The following RAB31 variants were observed in gnomAD, a reference collection of about 807,000 sequenced individuals.
RAB31 encodes RAB31, member RAS oncogene family, also known as ras-related protein Rab-31.
A neutral mutation model predicts 25.6 loss-of-function variants in RAB31; 21 were observed. That is an observed-to-expected ratio of 0.82 (90% CI 0.58 to 1.18). The LOEUF (loss-of-function observed/expected upper bound fraction) is 1.18, where lower values mean the gene tolerates loss of function less well. Among genes scored for constraint, RAB31 ranks in the 50% most tolerant of loss-of-function variants. The probability of loss-of-function intolerance (pLI) is 0.00; values close to 1 mark genes in which losing one functional copy is unlikely to be tolerated. For synonymous variants in RAB31, 87 were observed against 84.0 expected, an observed-to-expected ratio of 1.04 and a Z score of -0.20; for missense variants, 196 against 250.1, an observed-to-expected ratio of 0.78 and a Z score of 1.46.
intron 1 of RAB31, among the ~76,000 whole-genome samples, chr18:9,738,396 C>T (rs2068161237): frequency 6.6e-6 from 1 of 152,140 alleles, no homozygotes; most frequent in South Asian, 2.1e-4. Context: ...CACCAATCTC[C>T]AGGGAAGGGA....
chr18:9,841,538 C>A (rs75195627), intron 5 of RAB31, among the ~76,000 whole-genome samples: 789 of 100,272 alleles, frequency 7.9e-3, no homozygotes, highest in Admixed American at 8.4e-3. Flanking sequence ...GACTCTGTCT[C>A]AAAAAAAAAA....
In RAB31 at chr18:9,822,581, C is replaced by T. The variant is rs141468995; in HGVS notation, c.380+7359C>T. Among the ~76,000 whole-genome samples, 4 of 152,040 alleles carry T rather than the reference C, an allele frequency of 2.6e-5. No homozygotes were observed. The East Asian group carries it at 7.7e-4, about 29-fold the overall frequency. On this transcript the variant is annotated intron_variant, in intron 5 of 6. Transcript: ENST00000578921. ...TTGCAAACTATATATCTATAAGGGA[C>T]TAGTATGTAGACTATATAAAGAACT...
chr18:9,728,980 C>G (rs1357524412), intron 1 of RAB31, among the ~76,000 whole-genome samples: 1 of 152,230 alleles, frequency 6.6e-6, no homozygotes, highest in African/African-American at 2.4e-5. Flanking sequence ...TTACCTGCCC[C>G]TTCACATCGT....
At chr18:9,738,592 G>C (rs1003397497) in intron 1 of RAB31, among the ~76,000 whole-genome samples, 37 of 152,316 alleles carry the variant, frequency 2.4e-4, no homozygotes, top group African/African-American at 8.2e-4. Context: ...GGGCATGGAA[G>C]TCCCACACCC....
rs957104128 is a variant in RAB31 at position 9,773,160 on chromosome 18, T to C, written c.40-2118T>C. On this transcript the variant is annotated intron_variant, in intron 1 of 6. Transcript: ENST00000578921. The stretch of plus-strand genomic sequence containing the variant: ...GACCTTCTGGAGAGGGGTTTTCTGA[T>C]GAGTATTAAAAGCCAAGTCCCCTGT... Among the ~76,000 whole-genome samples, 6 of 152,118 alleles carry C rather than the reference T, an allele frequency of 3.9e-5. No homozygotes were observed. The South Asian group carries it at 1.2e-3, about 32-fold the overall frequency.
intron 6 of RAB31, among the ~76,000 whole-genome samples, chr18:9,854,790 A>AC (rs747273470): frequency 1.3e-5 from 2 of 151,898 alleles, no homozygotes; most frequent in Admixed American, 6.6e-5. Flanking sequence ...TGTTCCAGAG[A>AC]CCCCCTCTCT....
chr18:9,827,378 G>A (rs142329003), intron 5 of RAB31, among the ~76,000 whole-genome samples: 1 of 152,126 alleles, frequency 6.6e-6, no homozygotes, highest in African/African-American at 2.4e-5. Flanking sequence ...CAACAGTGAC[G>A]ATGGGGGCTG....
intron 1 of RAB31, among the ~76,000 whole-genome samples, chr18:9,723,876 C>T (rs989325901): frequency 2.0e-5 from 3 of 152,194 alleles, no homozygotes; most frequent in East Asian, 1.9e-4. Flanking sequence ...AAACACCTCC[C>T]GCGAGGCCCA....
At chr18:9,752,259 CTGT>C (rs2068238972) in intron 1 of RAB31, among the ~76,000 whole-genome samples, 1 of 152,024 alleles carries the variant, frequency 6.6e-6, no homozygotes, top group African/African-American at 2.4e-5. Context: ...GAGTCTTGCT[CTGT>C]TGCCCAGGCT....
intron 3 of RAB31, among the ~76,000 whole-genome samples, chr18:9,796,794 A>G (rs187928964): frequency 3.2e-4 from 48 of 152,154 alleles, no homozygotes; most frequent in Admixed American, 8.5e-4. Context: ...TTTCTATTTT[A>G]GGTTTCTAAT....
intron 3 of RAB31, among the ~76,000 whole-genome samples, chr18:9,794,363 A>G (rs2143034827): frequency 6.6e-6 from 1 of 152,332 alleles, no homozygotes; most frequent in East Asian, 1.9e-4. Flanking sequence ...TTGTAGATTA[A>G]AACATTTTAA....
At chr18:9,804,382 T>A (rs147425810) in intron 3 of RAB31, among the ~76,000 whole-genome samples, 4 of 152,312 alleles carry the variant, frequency 2.6e-5, no homozygotes, top group Admixed American at 6.5e-5. Context: ...TATGAGGCAC[T>A]GTCTGTGCCT....
At chr18:9,767,413 C>A (rs775275343) in intron 1 of RAB31, among the ~76,000 whole-genome samples, 1 of 152,206 alleles carries the variant, frequency 6.6e-6, no homozygotes, top group Non-Finnish European at 1.5e-5. Flanking sequence ...TACTCAAACA[C>A]CTCACCACCT....
chr18:9,843,374 G>T (rs921853132), intron 5 of RAB31, among the ~76,000 whole-genome samples: 1 of 151,978 alleles, frequency 6.6e-6, no homozygotes, highest in South Asian at 2.1e-4. Flanking sequence ...GCGAAACCCC[G>T]TCTTTACCAA....
chr18:9,750,016 CAGCTCCAGATTGAAACGTAGCTGTA>C (rs2068226425), intron 1 of RAB31, among the ~76,000 whole-genome samples: 1 of 152,194 alleles, frequency 6.6e-6, no homozygotes, highest in South Asian at 2.1e-4. Context: ...TCCCTGAACT[CAGCTCCAGATTGAAACGTAGCTGTA>C]ACCGCAGCTA....
At chr18:9,818,110 T>C (rs2068607987) in intron 5 of RAB31, among the ~76,000 whole-genome samples, 1 of 152,224 alleles carries the variant, frequency 6.6e-6, no homozygotes, top group Non-Finnish European at 1.5e-5. Flanking sequence ...TGTTATTGAA[T>C]CAAGCAACAA....
intron 6 of RAB31, among the ~76,000 whole-genome samples, chr18:9,858,344 AT>A (rs1364657577): frequency 6.6e-6 from 1 of 152,200 alleles, no homozygotes; most frequent in Non-Finnish European, 1.5e-5. Context: ...TACTAAGGTT[AT>A]TTCCAGATTC....
intron 1 of RAB31, among the ~76,000 whole-genome samples, chr18:9,745,030 T>C (rs901204553): frequency 2.6e-5 from 4 of 152,066 alleles, no homozygotes; most frequent in Non-Finnish European, 4.4e-5. Context: ...GTTGGTTCTT[T>C]GAAGATCAAC....
At chr18:9,783,085 G>A (rs1349704554) in intron 2 of RAB31, among the ~76,000 whole-genome samples, 1 of 152,146 alleles carries the variant, frequency 6.6e-6, no homozygotes, top group Non-Finnish European at 1.5e-5. Flanking sequence ...AACACAGAGG[G>A]ATATGTGTGT....
Sources: gnomAD v4.1 joint callset for allele counts (sites outside exome capture counted in the v4.1 genomes callset) on GRCh38, gnomAD v4.1.1 for gene constraint, MANE v1.5 for transcripts, NCBI Gene and HGNC (gene_info 2026-07-23, HGNC 2026-07-21) for gene names.